The following LUC7L3 variants were observed in gnomAD, a reference collection of about 807,000 sequenced individuals.
LUC7L3 encodes luc7-like protein 3.
In LUC7L3, 6 loss-of-function variants were observed where a neutral mutation model predicts 66.8. That is an observed-to-expected ratio of 0.09 (90% CI 0.05 to 0.18). The LOEUF is 0.18. LUC7L3 is among the 10% of genes least tolerant of loss of function. The pLI is 1.00. For synonymous variants in LUC7L3, 160 were observed against 174.7 expected, an observed-to-expected ratio of 0.92 and a Z score of 0.66; for missense variants, 341 against 531.1, an observed-to-expected ratio of 0.64 and a Z score of 3.52.
At chr17:50,735,875 G>T (rs909916313) in intron 1 of LUC7L3, among the ~76,000 whole-genome samples, 1 of 152,100 alleles carries the variant, frequency 6.6e-6, no homozygotes, top group Non-Finnish European at 1.5e-5. Context: ...GTTCACACCT[G>T]TAATCCCAGC....
rs950614405 is a variant in LUC7L3, at chr17:50,755,598, A to G, written c.*4937A>G. Reference sequence around the variant, plus strand: ...TATTTCTTCCCCTCAGCCATCCCAAATAGGTCATTTGTCAACAGATTTAAG... The same window carrying G: ...TATTTCTTCCCCTCAGCCATCCCAAGTAGGTCATTTGTCAACAGATTTAAG... On this transcript the variant is annotated 3_prime_UTR_variant, in exon 10 of 10. Transcript: ENST00000505658. 33 of 152,230 alleles carry G rather than the reference A, an allele frequency of 2.2e-4. No homozygotes were observed. The highest frequency in any genetic ancestry group is 8.0e-4 in the African/African-American group (33 of 41,444). 9.4% of individuals were successfully genotyped at this position (152,230 alleles called of 1,614,324 possible). A position where few individuals can be genotyped will look rare whatever the true frequency, so the allele number is the denominator to read the frequency against.
At chr17:50,720,119 T>C (rs1211292858) in intron 1 of LUC7L3, among the ~76,000 whole-genome samples, 1 of 152,242 alleles carries the variant, frequency 6.6e-6, no homozygotes, top group Non-Finnish European at 1.5e-5. Flanking sequence ...CAGCGTCTTA[T>C]TAAATCTAGC....
At chr17:50,749,057 C>G (rs1970853114) in intron 9 of LUC7L3, among the ~76,000 whole-genome samples, 1 of 152,132 alleles carries the variant, frequency 6.6e-6, no homozygotes, top group African/African-American at 2.4e-5. Flanking sequence ...AGCAGTTTAT[C>G]TTACTCCACA....
intron 1 of LUC7L3, among the ~76,000 whole-genome samples, chr17:50,721,544 C>T (rs1044033899): frequency 1.7e-4 from 26 of 152,232 alleles, no homozygotes; most frequent in African/African-American, 6.3e-4. Context: ...ACAGATTGCA[C>T]TTCACTCTAG....
intron 1 of LUC7L3, among the ~76,000 whole-genome samples, chr17:50,734,959 G>A (rs961349179): frequency 7.9e-5 from 12 of 152,084 alleles, no homozygotes; most frequent in Non-Finnish European, 4.4e-5. Flanking sequence ...TCACGTCTGA[G>A]CGCGGTGAGG....
At chr17:50,740,457 CAGTCAGTGGCTGGGGAT>C in intron 3 of LUC7L3, 112 bp downstream of exon 3, 1 of 970,182 alleles carries the variant, frequency 1.0e-6, no homozygotes, top group Non-Finnish European at 1.6e-6. Flanking sequence ...GAGAGAAGTC[CAGTCAGTGGCTGGGGAT>C]AGTAAGAAAG....
At position 50,754,275 on chromosome 17, in the gene LUC7L3, A is replaced by G. The variant is rs1971069991; in HGVS notation, c.*3614A>G. ...CTTTATTTTGGAAATTTAAAGACAT[A>G]CACAAAAGAGGAACAATATAATTAA... On this transcript the variant is annotated 3_prime_UTR_variant, in exon 10 of 10. Coordinates refer to ENST00000505658, the MANE Select transcript of LUC7L3 (RefSeq NM_016424.5). 6.6e-6 allele frequency: 1 copy of G among 152,206 alleles called. No individual in the cohort carries two copies. The highest frequency in any genetic ancestry group is 1.5e-5 in the Non-Finnish European group (1 of 68,036). The allele number at this position is 152,206 out of a possible 1,614,324, so 9.4% of individuals were successfully genotyped here.
intron 1 of LUC7L3, chr17:50,722,873 T>C (rs1208297310): frequency 6.6e-6 from 1 of 152,234 alleles, no homozygotes; most frequent in East Asian, 1.9e-4. Flanking sequence ...TTAATACTGT[T>C]TCATGGATTC....
intron 1 of LUC7L3, among the ~76,000 whole-genome samples, chr17:50,729,500 C>T (rs1403567633): frequency 6.6e-6 from 1 of 152,098 alleles, no homozygotes; most frequent in Non-Finnish European, 1.5e-5. Flanking sequence ...GTGGCCAGAG[C>T]TGATCCCGGC....
intron 5 of LUC7L3, among the ~76,000 whole-genome samples, chr17:50,743,155 A>G (rs1472682665): frequency 6.6e-6 from 1 of 152,078 alleles, no homozygotes; most frequent in Non-Finnish European, 1.5e-5. Context: ...GCTTGAGCCC[A>G]GCAGTTCAAA....
At chr17:50,735,529 T>C (rs1431627774) in intron 1 of LUC7L3, among the ~76,000 whole-genome samples, 2 of 151,286 alleles carry the variant, frequency 1.3e-5, no homozygotes, top group Non-Finnish European at 2.9e-5. Context: ...CAAGACAGGG[T>C]GTGATAGTGT....
In LUC7L3 at chr17:50,727,088, C is replaced by CA. The variant is rs888792127; in HGVS notation, c.99+7267dup. Among the ~76,000 whole-genome samples the CA allele has an allele frequency of 2.0e-3, 295 of 144,600 alleles. 1 individual carries two copies. The highest frequency in any genetic ancestry group is 3.9e-3 in the Admixed American group (57 of 14,488). 94.9% of individuals were successfully genotyped at this position (144,600 alleles called of 152,430 possible). A position where few individuals can be genotyped will look rare whatever the true frequency, so the allele number is the denominator to read the frequency against. ...TGGCTGACAGAGCGAGACTTTGTCT[C>CA]AAAAAAAAAAGAATACAGTATATAA... On this transcript the variant is annotated intron_variant, in intron 1 of 9. Coordinates refer to ENST00000505658, the MANE Select transcript of LUC7L3 (RefSeq NM_016424.5).
rs1383376924 is a variant in LUC7L3 at position 50,756,087 on chromosome 17, A to AG, written c.*5430dup. The AG allele has an allele frequency of 6.6e-6, 1 of 151,198 alleles. No homozygotes were observed. The highest frequency in any genetic ancestry group is 6.6e-5 in the Admixed American group (1 of 15,264). 9.4% of individuals were successfully genotyped at this position (151,198 alleles called of 1,614,324 possible). On this transcript the variant is annotated 3_prime_UTR_variant, in exon 10 of 10. Transcript: ENST00000505658. ...GAGGGAGAGGTGATCATGAGGGCAC[A>AG]GGGGTCTTCAGAAGAACTGGTGAGG...
chr17:50,723,593 A>G (rs1001289219), intron 1 of LUC7L3: 2 of 156,238 alleles, frequency 1.3e-5, no homozygotes, highest in Non-Finnish European at 2.8e-5. Flanking sequence ...AAATGTTCAT[A>G]GTAACTTACT....
At chr17:50,750,451 T>C in intron 9 of LUC7L3, 50 bp from the exon 10 acceptor site, 1 of 1,530,924 alleles carries the variant, frequency 6.5e-7, no homozygotes, top group Non-Finnish European at 8.9e-7. Context: ...AATCATGTCT[T>C]TATTGTATTT....
chr17:50,746,747 C>T (rs1273787917), intron 9 of LUC7L3, 45 bp downstream of exon 9: 1 of 1,534,098 alleles, frequency 6.5e-7, no homozygotes, highest in African/African-American at 1.4e-5. Context: ...CTTTTCACAC[C>T]CTAATCGCCC....
chr17:50,739,067 G>A (rs1024930307), intron 2 of LUC7L3, among the ~76,000 whole-genome samples: 1 of 152,112 alleles, frequency 6.6e-6, no homozygotes, highest in African/African-American at 2.4e-5. Flanking sequence ...GGTCTCAACT[G>A]ATTTATCTCC....
At chr17:50,746,099 G>C (rs1426770697) in intron 8 of LUC7L3, 96 bp downstream of exon 8, 1 of 1,427,778 alleles carries the variant, frequency 7.0e-7, no homozygotes, top group East Asian at 2.5e-5. Context: ...TACTTGGGAA[G>C]CTCTTAAGCA....
chr17:50,746,433 G>GT, intron 8 of LUC7L3, 109 bp from the exon 9 acceptor site: 1 of 941,750 alleles, frequency 1.1e-6, no homozygotes, highest in Admixed American at 2.4e-5. Context: ...ATGTAAATAT[G>GT]TTTTAGAGGG....
Sources: allele counts gnomAD v4.1 joint callset (sites outside exome capture counted in the v4.1 genomes callset), GRCh38; gene constraint gnomAD v4.1.1; transcripts MANE v1.5; gene names NCBI Gene and HGNC (gene_info 2026-07-23, HGNC 2026-07-21).